PHOSPHO1: variants seen among roughly 807,000 people sequenced by gnomAD.
The protein encoded by PHOSPHO1 is phosphoethanolamine/phosphocholine phosphatase.
PHOSPHO1 carries 6 observed loss-of-function variants against 17.7 expected under a neutral mutation model. That is an observed-to-expected ratio of 0.34 (90% CI 0.19 to 0.67). The LOEUF (loss-of-function observed/expected upper bound fraction) is 0.67, where lower values mean the gene tolerates loss of function less well. Ranked by LOEUF, PHOSPHO1 falls within the 30% of genes least tolerant of loss-of-function variation. PHOSPHO1 has a pLI of 0.69. For synonymous variants in PHOSPHO1, 159 were observed against 174.6 expected (o/e 0.91, Z 0.71); for missense variants, 330 against 392.1 (o/e 0.84, Z 1.34).
At chr17:49,229,901 G>A (rs1489482234) in intron 1 of PHOSPHO1, among the ~76,000 whole-genome samples, 1 of 152,168 alleles carries the variant, frequency 6.6e-6, no homozygotes, top group East Asian at 1.9e-4. Flanking sequence ...AGTCTCTGGC[G>A]CCTCTTGGGA....
Position 49,223,872 on chromosome 17 carries a change from G to T in PHOSPHO1, c.*374C>A. 1 of 196,088 alleles carries T rather than the reference G, an allele frequency of 5.1e-6. No homozygotes were observed. The allele number at this position is 196,088 out of a possible 1,614,324, so 12.1% of individuals were successfully genotyped here. On this transcript the variant is annotated 3_prime_UTR_variant, in exon 3 of 3. Transcript: ENST00000310544. ...AGTAGACTGGAGGAGGGGCGGTCACGCAGCCCGAGGCAACAAGTTACAGCG... is the reference window on the plus strand; with the variant it reads ...AGTAGACTGGAGGAGGGGCGGTCACTCAGCCCGAGGCAACAAGTTACAGCG...
At chr17:49,227,638 CCT>C (rs1014808108) in intron 1 of PHOSPHO1, among the ~76,000 whole-genome samples, 1 of 152,084 alleles carries the variant, frequency 6.6e-6, no homozygotes, top group African/African-American at 2.4e-5. Context: ...ACTGTAAACC[CCT>C]CTGTCAAGGT....
At chr17:49,229,646 G>A (rs769975109) in intron 1 of PHOSPHO1, among the ~76,000 whole-genome samples, 3 of 152,048 alleles carry the variant, frequency 2.0e-5, no homozygotes, top group Non-Finnish European at 4.4e-5. Context: ...GGGGAGGCGA[G>A]GACTCCAGAA....
rs1336127254 is a variant in PHOSPHO1 at position 49,224,448 on chromosome 17, A to G, written c.602T>C (p.Val201Ala). The change falls in exon 3 of 3, where the codon GTG (valine) becomes GCG (alanine). Residue 201 changes from valine to alanine, a missense_variant. By Grantham distance (64) the Val-to-Ala change is moderately conservative. Transcript: ENST00000310544. ...GCAGAAGTCGTTGGCGCCGTCGCCC[A>G]CGTAGAAGAGGCGCTCGAAGTGCAC... ...DGVHFERLFY[V>A]GDGANDFCPM... The G allele has an allele frequency of 6.4e-7, 1 of 1,558,006 alleles. No homozygotes were observed. The highest frequency in any genetic ancestry group is 1.9e-5 in the Admixed American group (1 of 52,364).
Position 49,224,224 on chromosome 17 carries a change from AC to A in PHOSPHO1, c.*21del, listed in dbSNP as rs779565561. On this transcript the variant is annotated 3_prime_UTR_variant, in exon 3 of 3. Coordinates refer to ENST00000310544, the MANE Select transcript of PHOSPHO1 (RefSeq NM_178500.4). ...CGCCCCCTCCGCCGTTGGCCCGGGT[AC>A]CCCCCTGCAGGCGGCCAGACTCAGC... 9.1e-6 allele frequency: 14 copies of A among 1,536,578 alleles called. No individual in the cohort carries two copies. The highest frequency in any genetic ancestry group is 2.4e-5 in the South Asian group (2 of 83,272).
intron 2 of PHOSPHO1, chr17:49,225,752 G>GCCTCC (rs1203269293): frequency 2.3e-6 from 3 of 1,281,120 alleles, no homozygotes; most frequent in Non-Finnish European, 3.0e-6. Flanking sequence ...GGAGGTAAGA[G>GCCTCC]CCTCCCGCAC....
chr17:49,223,967 T>C lies in PHOSPHO1; in HGVS notation c.*279A>G. 2.6e-6 allele frequency: 1 copy of C among 384,476 alleles called. No homozygotes were observed. Among genetic ancestry groups the C allele is most frequent in the African/African-American group, 2.1e-5 (1 of 48,144 alleles). 23.8% of individuals were successfully genotyped at this position (384,476 alleles called of 1,614,324 possible). A position where few individuals can be genotyped will look rare whatever the true frequency, so the allele number is the denominator to read the frequency against. On this transcript the variant is annotated 3_prime_UTR_variant, in exon 3 of 3. Transcript: ENST00000310544. ...CCCAGTTGGGAGGACCAGGAAATACTGCTGCCTTCCAAGGTTTGCGCGCCA... is the reference window on the plus strand; with the variant it reads ...CCCAGTTGGGAGGACCAGGAAATACCGCTGCCTTCCAAGGTTTGCGCGCCA...
At chr17:49,230,190 G>T (rs2043399190) in intron 1 of PHOSPHO1, among the ~76,000 whole-genome samples, 1 of 152,132 alleles carries the variant, frequency 6.6e-6, no homozygotes, top group Non-Finnish European at 1.5e-5. Context: ...CCCGGCTGGC[G>T]GGCGCTGGGC....
intron 1 of PHOSPHO1, among the ~76,000 whole-genome samples, chr17:49,229,852 A>AG (rs2043395542): frequency 6.6e-6 from 1 of 152,194 alleles, no homozygotes; most frequent in South Asian, 2.1e-4. Context: ...CTAACATCCT[A>AG]GGGGTCACAC....
At chr17:49,229,467 C>T (rs74584378) in intron 1 of PHOSPHO1, among the ~76,000 whole-genome samples, 30,358 of 152,084 alleles carry the variant, frequency 0.2, 3,391 homozygotes, top group South Asian at 0.27. Context: ...CTGCTTCTCC[C>T]GCCTTTCACA....
At chr17:49,228,523 G>A (rs1013014441) in intron 1 of PHOSPHO1, among the ~76,000 whole-genome samples, 3 of 152,068 alleles carry the variant, frequency 2.0e-5, no homozygotes, top group African/African-American at 7.2e-5. Flanking sequence ...GGGCGTGGTG[G>A]CTCATGCCTG....
chr17:49,227,849 T>C (rs755897359), intron 1 of PHOSPHO1, among the ~76,000 whole-genome samples: 17 of 151,866 alleles, frequency 1.1e-4, no homozygotes, highest in Non-Finnish European at 2.2e-4. Context: ...ACTTCTAATC[T>C]AGGAATTAGG....
chr17:49,228,285 CTTCCTTCCTTCCTCCTTCCTTCCTTCCT>C (rs1259256796), intron 1 of PHOSPHO1, among the ~76,000 whole-genome samples: 1 of 93,328 alleles, frequency 1.1e-5, no homozygotes, highest in Non-Finnish European at 2.2e-5. Context: ...TCCTTCCTTC[CTTCCTTCCTTCCTCCTTCCTTCCTTCCT>C]TCCTTCCTTC....
chr17:49,224,438 G>A lies in PHOSPHO1; in HGVS notation c.612C>T (p.Gly204=), dbSNP rs2043327061. 3.9e-6 allele frequency: 6 copies of A among 1,554,270 alleles called. No individual in the cohort carries two copies. In the African/African-American group the frequency reaches 6.8e-5, roughly 18 times the overall value. ...HFERLFYVGD[G]ANDFCPMGLL... ...GCCCCATGGGGCAGAAGTCGTTGGCGCCGTCGCCCACGTAGAAGAGGCGCT... is the reference window on the plus strand; with the variant it reads ...GCCCCATGGGGCAGAAGTCGTTGGCACCGTCGCCCACGTAGAAGAGGCGCT... The change falls in exon 3 of 3, where the codon GGC becomes GGT. Residue 204 remains glycine, a synonymous_variant. Coordinates refer to ENST00000310544, the MANE Select transcript of PHOSPHO1 (RefSeq NM_178500.4).
chr17:49,228,270 TTCCTTCCTTCCTTCCTTCCTTCCTTCC>T (rs1287276421), intron 1 of PHOSPHO1, among the ~76,000 whole-genome samples: 1,855 of 100,804 alleles, frequency 0.018, 46 homozygotes, highest in African/African-American at 0.053. Flanking sequence ...CCTTCCTTCC[TTCCTTCCTTCCTTCCTTCCTTCCTTCC>T]TCCTTCCTTC....
chr17:49,225,920 T>G, intron 2 of PHOSPHO1: 1 of 1,102,752 alleles, frequency 9.1e-7, no homozygotes, highest in Non-Finnish European at 1.1e-6. Context: ...GGAGACAGAC[T>G]GCTGGACAGG....
intron 1 of PHOSPHO1, among the ~76,000 whole-genome samples, chr17:49,227,571 C>A (rs1459581177): frequency 1.3e-5 from 2 of 152,136 alleles, no homozygotes; most frequent in Non-Finnish European, 2.9e-5. Flanking sequence ...GGAGACAAGA[C>A]CTTGAGAGAA....
rs375698845 is a variant in PHOSPHO1, at chr17:49,226,672, A to T, written c.20T>A (p.Val7Asp). The T allele has an allele frequency of 1.4e-5, 23 of 1,614,042 alleles. No homozygotes were observed. The South Asian group carries it at 1.6e-4, about 12-fold the overall frequency. The change falls in exon 2 of 3, where the codon GTT becomes GAT. Residue 7 changes from valine (V) to aspartate (D), a missense_variant. Val to Asp is a radical substitution (Grantham distance 152). Transcript: ENST00000310544. MSGCFP[V>D]SGLRCLSRDG... ...CCTAGATAGGCAGCGGAGGCCAGAA[A>T]CTGGAAAACAGCCACTCATTGTCGG...
chr17:49,226,338 C>T (rs2043356821), intron 2 of PHOSPHO1, among the ~76,000 whole-genome samples: 1 of 152,184 alleles, frequency 6.6e-6, no homozygotes, highest in African/African-American at 2.4e-5. Context: ...CATTTCGGAG[C>T]TGGGATTTCG....
Sources: allele counts gnomAD v4.1 joint callset (sites outside exome capture counted in the v4.1 genomes callset), GRCh38; gene constraint gnomAD v4.1.1; transcripts MANE v1.5; gene names NCBI Gene and HGNC (gene_info 2026-07-23, HGNC 2026-07-21).